The following ORC4 variants were observed in gnomAD, a reference collection of about 807,000 sequenced individuals.
ORC4 encodes the protein origin recognition complex subunit 4.
Under a neutral mutation model 63.9 loss-of-function variants are expected in ORC4, and 55 were observed. The observed-to-expected ratio is 0.86, with a 90% CI of 0.69 to 1.08. The LOEUF is 1.08. Ranked by LOEUF, ORC4 falls within the 50% of genes least tolerant of loss-of-function variation. The pLI is 0.00. For missense variants in ORC4, 511 were observed against 504.4 expected, an observed-to-expected ratio of 1.01 and a Z score of -0.13; for synonymous variants, 150 against 168.5, an observed-to-expected ratio of 0.89 and a Z score of 0.85.
upstream of ORC4, chr2:148,021,451 T>TTGCTGCTGCTGTTGC: frequency 1.8e-6 from 1 of 567,626 alleles, no homozygotes; most frequent in Non-Finnish European, 3.4e-6. Context: ...CACAGACCCT[T>TTGCTGCTGCTGTTGC]TGCTGCTGCT....
intron 1 of ORC4, among the ~76,000 whole-genome samples, chr2:147,985,228 G>A (rs1386678069): frequency 2.0e-5 from 3 of 151,796 alleles, no homozygotes; most frequent in Non-Finnish European, 4.4e-5. Context: ...ACAGAGTCTC[G>A]CTCTGTTGCC....
At chr2:147,990,215 G>A (rs1179081528) in intron 1 of ORC4, among the ~76,000 whole-genome samples, 7 of 152,162 alleles carry the variant, frequency 4.6e-5, no homozygotes, top group Non-Finnish European at 8.8e-5. Flanking sequence ...TCTTCAGTTC[G>A]ATAAAATGTT....
chr2:147,957,869 T>C (rs1403707222), intron 6 of ORC4, among the ~76,000 whole-genome samples: 1 of 152,280 alleles, frequency 6.6e-6, no homozygotes, highest in Non-Finnish European at 1.5e-5. Flanking sequence ...TTGTAAGGCA[T>C]GACTGAAACC....
chr2:147,974,911 G>A lies in ORC4; in HGVS notation c.57+991C>T, dbSNP rs563124490. Among the ~76,000 whole-genome samples the A allele has an allele frequency of 2.4e-4, 36 of 151,624 alleles. 1 individual carries two copies. The highest frequency in any genetic ancestry group is 8.5e-4 in the African/African-American group (35 of 41,354). On this transcript the variant is annotated intron_variant, in intron 2 of 13. Transcript: ENST00000392857. ...ATAAAGCTACAGTGACTAGTCAGAA[G>A]GTTCACAAATCTCAAAGTGATCTGG...
At chr2:147,956,937 T>C (rs1172412523) in intron 6 of ORC4, among the ~76,000 whole-genome samples, 2 of 151,678 alleles carry the variant, frequency 1.3e-5, no homozygotes, top group Non-Finnish European at 2.9e-5. Flanking sequence ...TTTGGCTCAG[T>C]ATAGGCCACT....
At chr2:147,959,859 T>C (rs534249146) in intron 4 of ORC4, among the ~76,000 whole-genome samples, 3 of 152,276 alleles carry the variant, frequency 2.0e-5, no homozygotes, top group East Asian at 1.9e-4. Flanking sequence ...AGAAGTGACA[T>C]TTAATGAGAA....
chr2:148,012,034 A>G lies in ORC4; in HGVS notation c.-18+8599T>C, dbSNP rs78895079. The stretch of plus-strand genomic sequence containing the variant: ...ATGACAATACTTCCCACAGCAATCT[A>G]CAGATTCAAAGCCATCCCTATCAAG... On this transcript the variant is annotated intron_variant, in intron 1 of 13. Coordinates refer to ENST00000392857, the MANE Select transcript of ORC4 (RefSeq NM_181741.4). Among the ~76,000 whole-genome samples, 742 of 152,266 alleles carry G rather than the reference A, an allele frequency of 4.9e-3. 4 individuals are homozygous for G. The highest frequency in any genetic ancestry group is 7.0e-3 in the Non-Finnish European group (477 of 68,012).
At chr2:147,995,531 C>T (rs775669211) in intron 1 of ORC4, among the ~76,000 whole-genome samples, 32 of 152,156 alleles carry the variant, frequency 2.1e-4, no homozygotes, top group Non-Finnish European at 4.1e-4. Flanking sequence ...ATAGATCTTG[C>T]TGCTGCTCAC....
chr2:147,976,453 T>C lies in ORC4; in HGVS notation c.-17-478A>G, dbSNP rs560824305. 3.3e-5 allele frequency among the ~76,000 whole-genome samples: 5 copies of C among 152,338 alleles called. No homozygotes were observed. In the South Asian group the frequency reaches 1.0e-3, roughly 32 times the overall value. ...TTGGGTGATTCACTTTATTGTGATATTTGCTTCACTGCAATGGTCTGGAAC... is the reference window on the plus strand; with the variant it reads ...TTGGGTGATTCACTTTATTGTGATACTTGCTTCACTGCAATGGTCTGGAAC... On this transcript the variant is annotated intron_variant, in intron 1 of 13. Coordinates refer to ENST00000392857, the MANE Select transcript of ORC4 (RefSeq NM_181741.4).
intron 1 of ORC4, among the ~76,000 whole-genome samples, chr2:147,980,507 CAAA>C (rs1182441996): frequency 6.6e-6 from 1 of 151,288 alleles, no homozygotes; most frequent in African/African-American, 2.4e-5. Flanking sequence ...AAAACAACAA[CAAA>C]AAAAACTTAA....
chr2:147,985,853 T>G (rs1691172268), intron 1 of ORC4, among the ~76,000 whole-genome samples: 1 of 152,092 alleles, frequency 6.6e-6, no homozygotes, highest in Non-Finnish European at 1.5e-5. Context: ...ATAGCTTACT[T>G]AACAGCAGCA....
Position 147,930,657 on chromosome 2 carries a change from T to G in ORC4, c.*4853A>C, listed in dbSNP as rs1687665573. On this transcript the variant is annotated 3_prime_UTR_variant, in exon 14 of 14. Coordinates refer to ENST00000392857, the MANE Select transcript of ORC4 (RefSeq NM_181741.4). ...TTTCTTGTGTTTTGGGCACAGGTTATTGTACTACTGTCAAATCGTACTTGC... is the reference window on the plus strand; with the variant it reads ...TTTCTTGTGTTTTGGGCACAGGTTAGTGTACTACTGTCAAATCGTACTTGC... 1 of 152,448 alleles carries G rather than the reference T, an allele frequency of 6.6e-6. No homozygotes were observed. Among genetic ancestry groups the G allele is most frequent in the African/African-American group, 2.4e-5 (1 of 41,414 alleles). 9.4% of individuals were successfully genotyped at this position (152,448 alleles called of 1,614,324 possible).
chr2:147,942,656 T>C (rs561509773), intron 10 of ORC4, among the ~76,000 whole-genome samples: 8 of 152,232 alleles, frequency 5.3e-5, no homozygotes, highest in Non-Finnish European at 1.2e-4. Context: ...TGGTAAAAGT[T>C]TGAATCCTTT....
Position 147,930,498 on chromosome 2 carries a change from C to CAA in ORC4, c.*5010_*5011dup, listed in dbSNP as rs1300707025. ...TTATCCATTTATGGGCAAAATGATA[C>CAA]AAGTAGCATCTTGATTGAACATCAT... is the stretch of plus-strand genomic sequence containing the variant. On this transcript the variant is annotated 3_prime_UTR_variant, in exon 14 of 14. Transcript: ENST00000392857. The CAA allele has an allele frequency of 6.6e-6, 1 of 152,128 alleles. No homozygotes were observed. Among genetic ancestry groups the CAA allele is most frequent in the Non-Finnish European group, 1.5e-5 (1 of 67,926 alleles). 9.4% of individuals were successfully genotyped at this position (152,128 alleles called of 1,614,324 possible). A position where few individuals can be genotyped will look rare whatever the true frequency, so the allele number is the denominator to read the frequency against.
chr2:147,985,038 A>AT (rs1028909773), intron 1 of ORC4, among the ~76,000 whole-genome samples: 1 of 152,162 alleles, frequency 6.6e-6, no homozygotes, highest in Admixed American at 6.6e-5. Flanking sequence ...TTGAGGTTTC[A>AT]TGAGTACTTA....
At chr2:147,941,841 TTCATGA>T (rs1573750066) in intron 10 of ORC4, among the ~76,000 whole-genome samples, 1 of 151,914 alleles carries the variant, frequency 6.6e-6, no homozygotes, top group Non-Finnish European at 1.5e-5. Context: ...CCCAAATTCC[TTCATGA>T]TATGCTGAAA....
intron 1 of ORC4, among the ~76,000 whole-genome samples, chr2:148,004,668 A>G (rs1573889276): frequency 6.6e-6 from 1 of 152,176 alleles, no homozygotes. Context: ...CTATAAGAAA[A>G]CCTAGGCAAT....
intron 1 of ORC4, among the ~76,000 whole-genome samples, chr2:148,014,622 G>A (rs138522121): frequency 2.0e-3 from 298 of 152,052 alleles, no homozygotes; most frequent in Non-Finnish European, 3.7e-3. Context: ...GAATATAGTC[G>A]GCCCTTCATA....
rs1689009628 is a variant in ORC4, at chr2:147,952,455, T to A, written c.506A>T (p.Asn169Ile). 6.2e-7 allele frequency: 1 copy of A among 1,611,370 alleles called. No individual in the cohort carries two copies. Among genetic ancestry groups the A allele is most frequent in the East Asian group, 2.2e-5 (1 of 44,786 alleles). The change falls in exon 8 of 14, where the codon AAC (asparagine) becomes ATC (isoleucine). Residue 169 changes from asparagine to isoleucine, a missense_variant. Transcript: ENST00000392857. ...AAAAAGATTATAGAGAAGTGTTTGG[T>A]TTTTATGATGAGCAAAAAGATCAAA... ...DEFDLFAHHKNQTLLYNLFDI... is the reference protein window; with the variant it reads ...DEFDLFAHHKIQTLLYNLFDI...
Sources: allele counts gnomAD v4.1 joint callset (sites outside exome capture counted in the v4.1 genomes callset), GRCh38; gene constraint gnomAD v4.1.1; transcripts MANE v1.5; gene names NCBI Gene and HGNC (gene_info 2026-07-23, HGNC 2026-07-21).